The following SORCS1 variants were observed in gnomAD, a reference collection of about 807,000 sequenced individuals.
SORCS1 encodes VPS10 domain-containing receptor SorCS1.
Under a neutral mutation model 146.1 loss-of-function variants are expected in SORCS1, and 60 were observed. The observed-to-expected ratio is 0.41, with a 90% CI of 0.33 to 0.51. SORCS1 has a LOEUF of 0.51. Ranked by LOEUF, SORCS1 falls within the 20% of genes least tolerant of loss-of-function variation. The pLI is 0.21. For synonymous variants in SORCS1, 637 were observed against 584.0 expected, an observed-to-expected ratio of 1.09 and a Z score of -1.31; for missense variants, 1,352 against 1,487.6, an observed-to-expected ratio of 0.91 and a Z score of 1.50.
chr10:107,049,927 T>A (rs1473620382), intron 1 of SORCS1, among the ~76,000 whole-genome samples: 2 of 152,236 alleles, frequency 1.3e-5, no homozygotes, highest in African/African-American at 4.8e-5. Flanking sequence ...AGAATAATTA[T>A]TAAACGAAAC....
chr10:107,177,727 T>C, the SORCS1 span, among the ~76,000 whole-genome samples: 1 of 152,252 alleles, frequency 6.6e-6, no homozygotes, highest in Non-Finnish European at 1.5e-5. Context: ...ATGTTTATCA[T>C]TTCTTTGTGT....
intron 1 of SORCS1, among the ~76,000 whole-genome samples, chr10:107,034,717 T>TAGAAGAAACAA (rs963295989): frequency 1.2e-5 from 1 of 85,616 alleles, no homozygotes; most frequent in Non-Finnish European, 2.5e-5. Context: ...ACAATGTTCA[T>TAGAAGAAACAA]AGAAGAAACA....
intron 2 of SORCS1, among the ~76,000 whole-genome samples, chr10:106,854,945 C>T (rs1949726271): frequency 6.6e-6 from 1 of 152,148 alleles, no homozygotes; most frequent in Admixed American, 6.5e-5. Context: ...GGTACATTCA[C>T]TTATTCATTC....
chr10:107,035,105 CT>C (rs1045692497), intron 1 of SORCS1, among the ~76,000 whole-genome samples: 87 of 151,396 alleles, frequency 5.7e-4, no homozygotes, highest in African/African-American at 1.6e-3. Context: ...TCATTACCAC[CT>C]TTTTTTTAAT....
intron 1 of SORCS1, among the ~76,000 whole-genome samples, chr10:107,091,117 T>C (rs1964151554): frequency 6.6e-6 from 1 of 152,198 alleles, no homozygotes. Context: ...CCAACAAAAG[T>C]AGTTCATGCA....
At chr10:106,629,627 CA>C (rs1848316993) in intron 18 of SORCS1, among the ~76,000 whole-genome samples, 1 of 152,196 alleles carries the variant, frequency 6.6e-6, no homozygotes, top group African/African-American at 2.4e-5. Flanking sequence ...CTGTAAGTTT[CA>C]GGGGTTTGAA....
chr10:106,931,891 A>G (rs1953438755), intron 2 of SORCS1, among the ~76,000 whole-genome samples: 1 of 152,228 alleles, frequency 6.6e-6, no homozygotes, highest in Non-Finnish European at 1.5e-5. Context: ...CAAAAGGGTA[A>G]TAGGAGATAA....
intron 4 of SORCS1, among the ~76,000 whole-genome samples, chr10:106,775,186 G>C (rs915566007): frequency 6.6e-6 from 1 of 152,194 alleles, no homozygotes; most frequent in Non-Finnish European, 1.5e-5. Context: ...GCATCGGTGG[G>C]GGGGAATTAA....
Position 106,776,532 on chromosome 10 carries a change from A to G in SORCS1, c.885+2T>C. The G allele has an allele frequency of 6.2e-7, 1 of 1,613,800 alleles. No individual in the cohort carries two copies. The highest frequency in any genetic ancestry group is 8.5e-7 in the Non-Finnish European group (1 of 1,179,814). On this transcript the variant is annotated splice_donor_variant, in intron 4 of 25. Coordinates refer to ENST00000263054, the MANE Select transcript of SORCS1 (RefSeq NM_052918.5). LOFTEE classifies it high-confidence loss of function. ...TGTCTCAAACAAGGTAAGTATGCTC[A>G]CCTTTTGGTCTTGACTGTATGCCAG... is the stretch of plus-strand genomic sequence containing the variant.
intron 4 of SORCS1, among the ~76,000 whole-genome samples, chr10:106,762,386 C>CTTTTTTTT (rs869195563): frequency 8.1e-4 from 60 of 73,822 alleles, no homozygotes; most frequent in Non-Finnish European, 8.8e-4. Context: ...TTTTATTATT[C>CTTTTTTTT]TTTTTTTTTT....
chr10:106,790,055 TC>T (rs1405410543), intron 3 of SORCS1, among the ~76,000 whole-genome samples: 7 of 152,180 alleles, frequency 4.6e-5, no homozygotes, highest in African/African-American at 1.4e-4. Context: ...ATCCCCATGA[TC>T]CAGGTCTCTC....
intron 1 of SORCS1, among the ~76,000 whole-genome samples, chr10:107,074,085 C>A (rs976879219): frequency 6.6e-6 from 1 of 152,148 alleles, no homozygotes; most frequent in Non-Finnish European, 1.5e-5. Flanking sequence ...GGTTCATTCT[C>A]GGCCTTGTCC....
intron 4 of SORCS1, among the ~76,000 whole-genome samples, chr10:106,773,946 C>T (rs921844440): frequency 6.7e-6 from 1 of 150,172 alleles, no homozygotes; most frequent in Non-Finnish European, 1.5e-5. Context: ...AAGACTCCAT[C>T]TCAAAAAAAA....
At chr10:107,012,300 G>A (rs1391903404) in intron 1 of SORCS1, among the ~76,000 whole-genome samples, 1 of 152,178 alleles carries the variant, frequency 6.6e-6, no homozygotes, top group Non-Finnish European at 1.5e-5. Flanking sequence ...GCAGAGGTTT[G>A]CAGAACTGCA....
intron 2 of SORCS1, among the ~76,000 whole-genome samples, chr10:106,882,948 T>C (rs1765188108): frequency 6.6e-6 from 1 of 152,176 alleles, no homozygotes; most frequent in Non-Finnish European, 1.5e-5. Context: ...TCAGGTTCCA[T>C]TCTGATCACA....
chr10:106,888,758 AT>A (rs1951104603), intron 2 of SORCS1, among the ~76,000 whole-genome samples: 1 of 152,230 alleles, frequency 6.6e-6, no homozygotes, highest in African/African-American at 2.4e-5. Context: ...AAAGCATGAA[AT>A]GGTATCTTAT....
At chr10:106,761,145 G>C (rs547150020) in intron 5 of SORCS1, among the ~76,000 whole-genome samples, 2 of 152,100 alleles carry the variant, frequency 1.3e-5, no homozygotes, top group Admixed American at 6.5e-5. Flanking sequence ...AGGCCTACAA[G>C]ATCTAAAATC....
intron 1 of SORCS1, among the ~76,000 whole-genome samples, chr10:107,099,219 A>G (rs1057427669): frequency 1.3e-5 from 2 of 152,152 alleles, no homozygotes; most frequent in African/African-American, 2.4e-5. Context: ...GATACAGGAT[A>G]TTTTCTTTCT....
chr10:106,605,795 C>T (rs1175057917), intron 23 of SORCS1, among the ~76,000 whole-genome samples: 1 of 152,082 alleles, frequency 6.6e-6, no homozygotes, highest in Non-Finnish European at 1.5e-5. Context: ...TACTTGCACA[C>T]AGAGAAAATT....
Sources: allele counts gnomAD v4.1 joint callset (sites outside exome capture counted in the v4.1 genomes callset), GRCh38; gene constraint gnomAD v4.1.1; transcripts MANE v1.5; gene names NCBI Gene and HGNC (gene_info 2026-07-23, HGNC 2026-07-21).